The following PHF3 variants were observed in gnomAD, a reference collection of about 807,000 sequenced individuals.
PHF3 encodes the protein PHD finger protein 3.
In PHF3, 41 loss-of-function variants were observed where a neutral mutation model predicts 178.4. That is an observed-to-expected ratio of 0.23 (90% CI 0.18 to 0.30). The LOEUF (loss-of-function observed/expected upper bound fraction) is 0.30, where lower values mean the gene tolerates loss of function less well. Ranked by LOEUF, PHF3 falls within the 10% of genes least tolerant of loss-of-function variation. The pLI, the probability that PHF3 is intolerant of heterozygous loss-of-function variation, is 1.00. For missense variants in PHF3, 2,346 were observed against 2,398.1 expected (o/e 0.98, Z 0.45); for synonymous variants, 842 against 800.5 (o/e 1.05, Z -0.88).
intron 2 of PHF3, among the ~76,000 whole-genome samples, chr6:63,653,634 AT>A (rs908009432): frequency 1.3e-5 from 2 of 151,692 alleles, no homozygotes; most frequent in African/African-American, 2.4e-5. Flanking sequence ...TTTATTTAAT[AT>A]TTTTTTCTTT....
intron 10 of PHF3, 86 bp downstream of exon 10, chr6:63,702,725 A>G: frequency 7.4e-7 from 1 of 1,354,378 alleles, no homozygotes; most frequent in South Asian, 1.4e-5. Context: ...AAGTAGAGAA[A>G]AGAATTTTAA....
intron 2 of PHF3, among the ~76,000 whole-genome samples, chr6:63,665,476 G>T (rs922011031): frequency 0.017 from 1,790 of 108,414 alleles, 14 homozygotes; most frequent in Non-Finnish European, 0.024. Flanking sequence ...TCGCTTTGTG[G>T]TTTTTTTTTG....
intron 1 of PHF3, chr6:63,636,355 G>C (rs575520865): frequency 6.3e-6 from 1 of 158,396 alleles, no homozygotes; most frequent in Non-Finnish European, 1.4e-5. Flanking sequence ...TGGCGCCTGT[G>C]GACCATTTGG....
intron 1 of PHF3, among the ~76,000 whole-genome samples, chr6:63,644,030 G>T (rs989222953): frequency 5.3e-5 from 8 of 152,188 alleles, no homozygotes; most frequent in African/African-American, 1.7e-4. Context: ...TCACTTGAAA[G>T]CTCACAGCAT....
chr6:63,711,456 C>T lies in PHF3; in HGVS notation c.3997+94C>T. The T allele has an allele frequency of 2.2e-6, 3 of 1,349,646 alleles. 1 individual carries two copies. The highest frequency in any genetic ancestry group is 2.0e-6 in the Non-Finnish European group (2 of 980,240). 83.6% of individuals were successfully genotyped at this position (1,349,646 alleles called of 1,614,324 possible). A position where few individuals can be genotyped will look rare whatever the true frequency, so the allele number is the denominator to read the frequency against. ...TGATTCTGCCTTCTTTCTCAGGATC[C>T]AGCCCTCTAGAGATGGCTTGACAGG... On this transcript the variant is annotated intron_variant, in intron 15 of 15. Coordinates refer to ENST00000262043, the MANE Select transcript of PHF3 (RefSeq NM_001370348.2).
At chr6:63,669,002 C>T (rs1765796582) in intron 2 of PHF3, among the ~76,000 whole-genome samples, 2 of 152,146 alleles carry the variant, frequency 1.3e-5, no homozygotes, top group African/African-American at 4.8e-5. Flanking sequence ...ATTAACTGAT[C>T]GGTTGTGAGG....
rs561654414 is a variant in PHF3, at chr6:63,716,853, C to G, written c.*3145C>G. On this transcript the variant is annotated 3_prime_UTR_variant, in exon 16 of 16. Coordinates refer to ENST00000262043, the MANE Select transcript of PHF3 (RefSeq NM_001370348.2). The stretch of plus-strand genomic sequence containing the variant: ...GACCCTTGTGATTACATTGACCCCA[C>G]CCAGATAATCCAGGGTAATGTTCCT... Among the ~76,000 whole-genome samples the G allele has an allele frequency of 1.3e-5, 2 of 152,146 alleles. No homozygotes were observed. The highest frequency in any genetic ancestry group is 6.6e-5 in the Admixed American group (1 of 15,244).
rs1171208661 is a variant in PHF3 at position 63,718,444 on chromosome 6, ATTTG to A, written c.*4739_*4742del. 1.3e-5 allele frequency among the ~76,000 whole-genome samples: 2 copies of A among 152,050 alleles called. No individual in the cohort carries two copies. Among genetic ancestry groups the A allele is most frequent in the African/African-American group, 4.8e-5 (2 of 41,446 alleles). ...AAATCAAATGATAAACGTTAAAAAT[ATTTG>A]TTAATGATAATCTCATCTGTTAATG... On this transcript the variant is annotated 3_prime_UTR_variant, in exon 16 of 16. Transcript: ENST00000262043.
chr6:63,668,010 T>C (rs1435979690), intron 2 of PHF3, among the ~76,000 whole-genome samples: 1 of 152,240 alleles, frequency 6.6e-6, no homozygotes, highest in African/African-American at 2.4e-5. Flanking sequence ...CGATGCAGCC[T>C]TGGCAATATG....
Position 63,721,867 on chromosome 6 carries a change from T to A in PHF3, c.*8159T>A, listed in dbSNP as rs1768410350. ...TTCCATTGAAAACTTTTGCTGTTTC[T>A]GGCCAAGTTGGATAAGTTTTAGTTA... On this transcript the variant is annotated 3_prime_UTR_variant, in exon 16 of 16. Coordinates refer to ENST00000262043, the MANE Select transcript of PHF3 (RefSeq NM_001370348.2). 7.2e-7 allele frequency: 1 copy of A among 1,391,852 alleles called. No homozygotes were observed. Among genetic ancestry groups the A allele is most frequent in the Non-Finnish European group, 9.6e-7 (1 of 1,041,564 alleles). The allele number at this position is 1,391,852 out of a possible 1,614,324, so 86.2% of individuals were successfully genotyped here.
intron 1 of PHF3, among the ~76,000 whole-genome samples, chr6:63,639,041 A>T (rs1764466521): frequency 1.3e-5 from 2 of 152,150 alleles, no homozygotes; most frequent in South Asian, 4.1e-4. Flanking sequence ...GTTAAAGGGG[A>T]AAATATCAAG....
At position 63,721,285 on chromosome 6, in the gene PHF3, AG is replaced by A; in HGVS notation, c.*7579del. 6.4e-7 allele frequency: 1 copy of A among 1,552,010 alleles called. No individual in the cohort carries two copies. Among genetic ancestry groups the A allele is most frequent in the Non-Finnish European group, 8.7e-7 (1 of 1,147,012 alleles). On this transcript the variant is annotated 3_prime_UTR_variant, in exon 16 of 16. Coordinates refer to ENST00000262043, the MANE Select transcript of PHF3 (RefSeq NM_001370348.2). Reference sequence around the variant, plus strand: ...TGGTGGAGGCAAAGATTATTCAAACAGGACACAGACTGGTTACATGTATTTC... The same window carrying A: ...TGGTGGAGGCAAAGATTATTCAAACAGACACAGACTGGTTACATGTATTTC...
chr6:63,687,111 GT>G (rs929686716), intron 4 of PHF3, among the ~76,000 whole-genome samples: 1 of 152,076 alleles, frequency 6.6e-6, no homozygotes, highest in Non-Finnish European at 1.5e-5. Context: ...TAATTATATG[GT>G]TTTTTTATTT....
At chr6:63,675,232 C>T (rs1197413281) in intron 2 of PHF3, among the ~76,000 whole-genome samples, 1 of 152,014 alleles carries the variant, frequency 6.6e-6, no homozygotes, top group Non-Finnish European at 1.5e-5. Context: ...CATTTCTCAA[C>T]AGTAGGGATT....
intron 2 of PHF3, among the ~76,000 whole-genome samples, chr6:63,679,441 TTA>T (rs1446129028): frequency 6.6e-6 from 1 of 151,650 alleles, no homozygotes; most frequent in Non-Finnish European, 1.5e-5. Context: ...GGAAGTTACA[TTA>T]TGTTTTTCAT....
At position 63,645,883 on chromosome 6, in the gene PHF3, G is replaced by GA. The variant is rs539632138; in HGVS notation, c.-25-638dup. Among the ~76,000 whole-genome samples, 25 of 152,036 alleles carry GA rather than the reference G, an allele frequency of 1.6e-4. No homozygotes were observed. The South Asian group carries it at 5.2e-3, about 32-fold the overall frequency. ...TGTTTTTATCCTATAAGGGGGCCTTGAAAAAAGGTGTGTTTGTGCACATCT... is the reference window on the plus strand; with the variant it reads ...TGTTTTTATCCTATAAGGGGGCCTTGAAAAAAAGGTGTGTTTGTGCACATCT... On this transcript the variant is annotated intron_variant, in intron 1 of 15. Coordinates refer to ENST00000262043, the MANE Select transcript of PHF3 (RefSeq NM_001370348.2).
In PHF3 at chr6:63,711,775, A is replaced by G; in HGVS notation, c.4187A>G (p.Asn1396Ser). The G allele has an allele frequency of 1.2e-6, 2 of 1,613,088 alleles. No individual in the cohort carries two copies. Among genetic ancestry groups the G allele is most frequent in the Non-Finnish European group, 1.7e-6 (2 of 1,179,744 alleles). Residue 1396 changes from asparagine to serine, a missense_variant, in exon 16 of 16, where the codon AAT (asparagine) becomes AGT (serine). By Grantham distance (46) the Asn-to-Ser change is conservative. Coordinates refer to ENST00000262043, the MANE Select transcript of PHF3 (RefSeq NM_001370348.2). The part of the protein sequence containing the change: ...VSTEEAPEEE[N>S]DFFNSFTTVL... The stretch of plus-strand genomic sequence containing the variant: ...ACAGAAGAAGCACCAGAGGAAGAAA[A>G]TGACTTTTTTAATTCTTTTACAACT...
chr6:63,713,736 T>TCCTACTATCTC lies in PHF3; in HGVS notation c.*28_*29insCCTACTATCTC. On this transcript the variant is annotated 3_prime_UTR_variant, in exon 16 of 16. Coordinates refer to ENST00000262043, the MANE Select transcript of PHF3 (RefSeq NM_001370348.2). ...TTTGCAGGCTGCTTCAGGATTACAT[T>TCCTACTATCTC]TAAATAACTGTTAAAATGTTGTATC... 6.8e-7 allele frequency: 1 copy of TCCTACTATCTC among 1,478,760 alleles called. No individual in the cohort carries two copies. The highest frequency in any genetic ancestry group is 1.8e-4 in the Middle Eastern group (1 of 5,574). 91.6% of individuals were successfully genotyped at this position (1,478,760 alleles called of 1,614,324 possible). A position where few individuals can be genotyped will look rare whatever the true frequency, so the allele number is the denominator to read the frequency against.
Position 63,698,236 on chromosome 6 carries a change from G to A in PHF3, c.2694G>A (p.Lys898=). 6.2e-7 allele frequency: 1 copy of A among 1,610,588 alleles called. No homozygotes were observed. Among genetic ancestry groups the A allele is most frequent in the Non-Finnish European group, 8.5e-7 (1 of 1,177,862 alleles). ...EKASKPGTHE[K]QEMKKKKVEK... ...TATTCAAATTAGGTACTCATGAGAA[G>A]CAAGAGATGAAAAAGAAGAAAGTTG... Residue 898 remains lysine (K), a synonymous_variant, in exon 7 of 16, where the codon AAG becomes AAA. Transcript: ENST00000262043.
Sources: gnomAD v4.1 joint callset for allele counts (sites outside exome capture counted in the v4.1 genomes callset) on GRCh38, gnomAD v4.1.1 for gene constraint, MANE v1.5 for transcripts, NCBI Gene and HGNC (gene_info 2026-07-23, HGNC 2026-07-21) for gene names.